PIK3R2: variants seen among roughly 807,000 people sequenced by gnomAD.
The protein encoded by PIK3R2 is phosphoinositide-3-kinase regulatory subunit 2.
Under a neutral mutation model 78.5 loss-of-function variants are expected in PIK3R2, and 40 were observed. The ratio of observed to expected loss-of-function variants is 0.51; its 90% CI spans 0.40 to 0.66. The LOEUF is 0.66. PIK3R2 is among the 30% of genes least tolerant of loss of function. The pLI, the probability that PIK3R2 is intolerant of heterozygous loss-of-function variation, is 0.00. For synonymous variants in PIK3R2, 473 were observed against 457.7 expected, an observed-to-expected ratio of 1.03 and a Z score of -0.43; for missense variants, 880 against 1,026.6, an observed-to-expected ratio of 0.86 and a Z score of 1.95.
intron 11 of PIK3R2, 141 bp downstream of exon 11, chr19:18,163,529 G>A: frequency 2.3e-6 from 2 of 854,580 alleles, no homozygotes; most frequent in South Asian, 1.6e-5. Context: ...ACCAAGGGCT[G>A]TTCTAAAAAC....
chr19:18,154,094 A>C (rs1046189270), intron 1 of PIK3R2, among the ~76,000 whole-genome samples: 2 of 151,748 alleles, frequency 1.3e-5, no homozygotes, highest in African/African-American at 2.4e-5. Flanking sequence ...AACTTAACCC[A>C]CTGCCAAGGC....
intron 11 of PIK3R2, 29 bp from the exon 12 acceptor site, chr19:18,166,131 G>C (rs1398672601): frequency 6.2e-7 from 1 of 1,613,500 alleles, no homozygotes; most frequent in East Asian, 2.2e-5. Context: ...GGAGTCCCAG[G>C]AGGTGCTGAG....
chr19:18,161,406 G>A lies in PIK3R2; in HGVS notation c.726G>A (p.Ala242=), dbSNP rs2043744412. ...GCCGCGCCCCGGCCCTGGGTCCCGCGGTCCGGGCCCTGGGCGCCACCTTTG... is the reference window on the plus strand; with the variant it reads ...GCCGCGCCCCGGCCCTGGGTCCCGCAGTCCGGGCCCTGGGCGCCACCTTTG... ...VASRAPALGP[A]VRALGATFGP... Residue 242 remains alanine (A), a synonymous_variant, in exon 6 of 16, where the codon GCG becomes GCA. Transcript: ENST00000222254. The surrounding 1 kb of genome is among the most constrained non-coding windows in gnomAD (Gnocchi z 5.3). 11 of 1,214,924 alleles carry A rather than the reference G, an allele frequency of 9.1e-6. No homozygotes were observed. In the South Asian group the frequency reaches 1.4e-4, roughly 16 times the overall value. 75.3% of individuals were successfully genotyped at this position (1,214,924 alleles called of 1,614,324 possible). A position where few individuals can be genotyped will look rare whatever the true frequency, so the allele number is the denominator to read the frequency against.
chr19:18,163,494 G>T, intron 11 of PIK3R2, 106 bp downstream of exon 11: 1 of 1,249,056 alleles, frequency 8.0e-7, no homozygotes, highest in Non-Finnish European at 1.1e-6. Flanking sequence ...ATATCCAGTT[G>T]CAGGTCACAG....
chr19:18,160,779 C>T (rs1394354207), intron 3 of PIK3R2, 140 bp from the exon 4 acceptor site: 1 of 1,085,502 alleles, frequency 9.2e-7, no homozygotes, highest in Admixed American at 2.0e-5. Context: ...TGCCCTCTCC[C>T]AGTTCTCCCT....
At chr19:18,153,666 C>T (rs985440005) in intron 1 of PIK3R2, among the ~76,000 whole-genome samples, 1 of 152,112 alleles carries the variant, frequency 6.6e-6, no homozygotes, top group Non-Finnish European at 1.5e-5. Context: ...CACTTCCGGT[C>T]CCCTAGCCGG....
chr19:18,159,020 C>G (rs1029731796), intron 2 of PIK3R2, among the ~76,000 whole-genome samples: 1 of 151,356 alleles, frequency 6.6e-6, no homozygotes, highest in Non-Finnish European at 1.5e-5. Context: ...TTTTGTATTT[C>G]TAGTAGAGAC....
chr19:18,164,268 G>A (rs112984090), intron 11 of PIK3R2, among the ~76,000 whole-genome samples: 162 of 152,260 alleles, frequency 1.1e-3, no homozygotes, highest in African/African-American at 3.5e-3. Flanking sequence ...GCCTATCTCC[G>A]GCTGGCCCTC....
intron 3 of PIK3R2, 144 bp downstream of exon 3, chr19:18,160,707 G>T: frequency 1.1e-6 from 1 of 882,610 alleles, no homozygotes. Flanking sequence ...GTTGAATAGG[G>T]CACAGAGTGA....
Position 18,167,998 on chromosome 19 carries a change from C to T in PIK3R2, c.1737-477C>T, listed in dbSNP as rs745637405. ...ACCTCCTGAAGACCTCAGCCAGAGC[C>T]TCCACCTCCCTCTTGGGCCTCAGGG... On this transcript the variant is annotated intron_variant, in intron 13 of 15. Transcript: ENST00000222254. This position sits in a 1 kb window ranked among gnomAD's most constrained non-coding sequence, Gnocchi z 4.5. Among the ~76,000 whole-genome samples, 4 of 152,230 alleles carry T rather than the reference C, an allele frequency of 2.6e-5. No homozygotes were observed. Among genetic ancestry groups the T allele is most frequent in the Non-Finnish European group, 5.9e-5 (4 of 68,036 alleles).
In PIK3R2 at chr19:18,155,960, C is replaced by T. The variant is rs1292165685; in HGVS notation, c.81C>T (p.Pro27=). 12 of 1,567,456 alleles carry T rather than the reference C, an allele frequency of 7.7e-6. No individual in the cohort carries two copies. The highest frequency in any genetic ancestry group is 2.7e-5 in the African/African-American group (2 of 73,754). Residue 27 remains proline, a synonymous_variant, in exon 2 of 16, where the codon CCC becomes CCT. Transcript: ENST00000222254. The part of the protein sequence containing the change: ...RERPEDLELL[P]GDVLVVSRAA... ...GGCCGGAGGACCTGGAGCTGCTGCC[C>T]GGCGACGTGCTGGTAGTGAGCCGGG...
intron 9 of PIK3R2, 39 bp downstream of exon 9, chr19:18,162,545 G>T (rs1430276341): frequency 6.4e-7 from 1 of 1,552,328 alleles, no homozygotes; most frequent in Non-Finnish European, 8.9e-7. Flanking sequence ...GGGGGTCACA[G>T]GTCACAGAGA....
In PIK3R2 at chr19:18,156,078, C is replaced by G. The variant is rs2147945157; in HGVS notation, c.199C>G (p.Arg67Gly). Residue 67 changes from arginine to glycine, a missense_variant, in exon 2 of 16, where the codon CGA becomes GGA. Arg to Gly is a moderately radical substitution (Grantham distance 125). Around this residue, in one of 3 missense-constraint regions of PIK3R2, gnomAD observed 456 missense variants for 486.6 expected, o/e 0.94. Coordinates refer to ENST00000222254, the MANE Select transcript of PIK3R2 (RefSeq NM_005027.4). This position sits in a 1 kb window ranked among gnomAD's most constrained non-coding sequence, Gnocchi z 4.2. ...CGGCCTCAACGAGCGCACACGGCAG[C>G]GAGGTGACTTCCCTGGCACCTATGT... Reference protein sequence around the residue: ...MPGLNERTRQRGDFPGTYVEF... With the variant: ...MPGLNERTRQGGDFPGTYVEF... The G allele has an allele frequency of 6.4e-7, 1 of 1,561,450 alleles. No individual in the cohort carries two copies. Among genetic ancestry groups the G allele is most frequent in the Non-Finnish European group, 8.7e-7 (1 of 1,153,932 alleles).
At chr19:18,160,817 G>T in intron 3 of PIK3R2, 102 bp from the exon 4 acceptor site, 1 of 1,366,006 alleles carries the variant, frequency 7.3e-7, no homozygotes, top group African/African-American at 1.4e-5. Flanking sequence ...CCTTATCTCT[G>T]GGCAGCAAAG....
chr19:18,155,969 G>C lies in PIK3R2; in HGVS notation c.90G>C (p.Val30=), dbSNP rs2147944797. 6.4e-7 allele frequency: 1 copy of C among 1,566,022 alleles called. No individual in the cohort carries two copies. Among genetic ancestry groups the C allele is most frequent in the Non-Finnish European group, 8.7e-7 (1 of 1,155,816 alleles). Residue 30 remains valine, a synonymous_variant, in exon 2 of 16, where the codon GTG becomes GTC. Coordinates refer to ENST00000222254, the MANE Select transcript of PIK3R2 (RefSeq NM_005027.4). ...ACCTGGAGCTGCTGCCCGGCGACGT[G>C]CTGGTAGTGAGCCGGGCGGCCTTGC... ...PEDLELLPGD[V]LVVSRAALQA...
At chr19:18,162,844 C>A (rs993470176) in intron 9 of PIK3R2, 123 bp from the exon 10 acceptor site, 8 of 846,188 alleles carry the variant, frequency 9.5e-6, no homozygotes, top group African/African-American at 5.2e-5. Flanking sequence ...GAGCCGAAAT[C>A]GCACCACTGC....
chr19:18,165,570 GC>G (rs567499908), intron 11 of PIK3R2, among the ~76,000 whole-genome samples: 132 of 152,192 alleles, frequency 8.7e-4, no homozygotes, highest in African/African-American at 3.1e-3. Flanking sequence ...TCACCATGTT[GC>G]CCAGGCTGGC....
intron 7 of PIK3R2, 55 bp downstream of exon 7, chr19:18,162,106 C>A (rs1454401038): frequency 1.1e-5 from 17 of 1,544,424 alleles, no homozygotes; most frequent in East Asian, 6.7e-5. Context: ...AAATACTGAT[C>A]CCTGAGTGCT....
Position 18,166,209 on chromosome 19 carries a change from A to G in PIK3R2, c.1466A>G (p.Lys489Arg), listed in dbSNP as rs747048133. 3.7e-6 allele frequency: 6 copies of G among 1,613,810 alleles called. No individual in the cohort carries two copies. Among genetic ancestry groups the G allele is most frequent in the African/African-American group, 2.7e-5 (2 of 74,922 alleles). Residue 489 changes from lysine to arginine, a missense_variant, in exon 12 of 16, where the codon AAG (lysine) becomes AGG (arginine). Physicochemically the swap from Lys to Arg is conservative, Grantham distance 26 (BLOSUM62 2). Around this residue, in one of 3 missense-constraint regions of PIK3R2, gnomAD observed 156 missense variants for 241.0 expected, o/e 0.65. Transcript: ENST00000222254. ...ATTGAGGCCTTCAATGAGACTATCA[A>G]GATCTTTGAAGAGCAGGGCCAGACT... Reference protein sequence around the residue: ...TAIEAFNETIKIFEEQGQTQE... With the variant: ...TAIEAFNETIRIFEEQGQTQE...
Sources: gnomAD v4.1 joint callset for allele counts (sites outside exome capture counted in the v4.1 genomes callset) on GRCh38, gnomAD v4.1.1 for gene constraint, gnomAD v4.1.1 regional missense constraint, Gnocchi (gnomAD v3.1) non-coding constraint, MANE v1.5 for transcripts, NCBI Gene and HGNC (gene_info 2026-07-23, HGNC 2026-07-21) for gene names.